NBPF15: variants seen among roughly 807,000 people sequenced by gnomAD.
NBPF15 encodes NBPF family member NBPF15.
In NBPF15, 74 loss-of-function variants were observed where a neutral mutation model predicts 62.2. The ratio of observed to expected loss-of-function variants is 1.19; its 90% CI spans 0.99 to 1.44. The LOEUF (loss-of-function observed/expected upper bound fraction) is 1.44. Ranked by LOEUF, NBPF15 falls within the 40% of genes most tolerant of loss-of-function variation. The pLI, the probability that NBPF15 is intolerant of heterozygous loss-of-function variation, is 0.00. For missense variants in NBPF15, 790 were observed against 550.0 expected, an observed-to-expected ratio of 1.44 and a Z score of -4.36; for synonymous variants, 244 against 209.7, an observed-to-expected ratio of 1.16 and a Z score of -1.41.
intron 6 of NBPF15, among the ~76,000 whole-genome samples, chr1:144,445,354 T>TATATATATAC (rs1322315552): frequency 9.6e-6 from 1 of 104,454 alleles, no homozygotes; most frequent in South Asian, 3.2e-4. Flanking sequence ...TATATATATA[T>TATATATATAC]ACACACACAC....
chr1:144,440,390 C>A (rs1681867584), intron 6 of NBPF15, 95 bp from the exon 7 acceptor site: 1 of 674,532 alleles, frequency 1.5e-6, no homozygotes, highest in Non-Finnish European at 2.4e-6. Context: ...AACACAGGCA[C>A]CCTAGTCTCA....
chr1:144,439,812 G>A lies in NBPF15; in HGVS notation c.175+17C>T, dbSNP rs782253009. ...CATCATTCATCACTTTCATGACGGTGAGCCTATAGATCTTACTGTATTTCT... is the reference window on the plus strand; with the variant it reads ...CATCATTCATCACTTTCATGACGGTAAGCCTATAGATCTTACTGTATTTCT... On this transcript the variant is annotated intron_variant, in intron 8 of 21. Transcript: ENST00000581897. The A allele has an allele frequency of 0.021, 33,316 of 1,576,344 alleles. 941 individuals are homozygous for A. Among genetic ancestry groups the A allele is most frequent in the Admixed American group, 0.11 (6,597 of 59,914 alleles).
chr1:144,423,856 T>C lies in NBPF15; in HGVS notation c.1769+14A>G. The C allele has an allele frequency of 1.3e-6, 1 of 764,484 alleles. No homozygotes were observed. Among genetic ancestry groups the C allele is most frequent in the Non-Finnish European group, 2.4e-6 (1 of 418,214 alleles). 47.4% of individuals were successfully genotyped at this position (764,484 alleles called of 1,614,324 possible). ...TTAACACAGAATTAAGCATCCACAA[T>C]TGCTGAAAGTTACCTGGGGCATGGT... On this transcript the variant is annotated intron_variant, in intron 21 of 21. Transcript: ENST00000581897.
intron 3 of NBPF15, among the ~76,000 whole-genome samples, chr1:144,457,621 C>G (rs1649039255): frequency 6.6e-6 from 1 of 151,816 alleles, no homozygotes; most frequent in African/African-American, 2.4e-5. Flanking sequence ...AGGTCAAGTA[C>G]TGAGAATACA....
At chr1:144,443,376 A>C (rs1162016700) in intron 6 of NBPF15, among the ~76,000 whole-genome samples, 2 of 151,914 alleles carry the variant, frequency 1.3e-5, no homozygotes, top group African/African-American at 2.4e-5. Flanking sequence ...ATCAGGTTTG[A>C]AATCTAGCAG....
At position 144,440,162 on chromosome 1, in the gene NBPF15, T is replaced by A. The variant is rs1373309141; in HGVS notation, c.-57A>T. 32 of 1,565,348 alleles carry A rather than the reference T, an allele frequency of 2.0e-5. No homozygotes were observed. Among genetic ancestry groups the A allele is most frequent in the Non-Finnish European group, 2.5e-5 (29 of 1,147,920 alleles). ...TTACTGTTGTCAAAAATGTGATCAC[T>A]CCCCACAGCACTTTAGGATCCTTCA... is the stretch of plus-strand genomic sequence containing the variant. On this transcript the variant is annotated 5_prime_UTR_variant, in exon 7 of 22. Coordinates refer to ENST00000581897, the MANE Select transcript of NBPF15 (RefSeq NM_001385408.1).
At chr1:144,447,676 C>T (rs782231341) in intron 6 of NBPF15, among the ~76,000 whole-genome samples, 69 of 152,068 alleles carry the variant, frequency 4.5e-4, no homozygotes, top group Admixed American at 1.2e-3. Flanking sequence ...ACACTAATAT[C>T]CCCAAGTCTG....
At chr1:144,432,116 A>G (rs1374038110) in intron 13 of NBPF15, among the ~76,000 whole-genome samples, 44 of 152,114 alleles carry the variant, frequency 2.9e-4, no homozygotes, top group Non-Finnish European at 5.9e-5. Context: ...CCAACAGTGT[A>G]AAAGTGTTCC....
chr1:144,428,178 GACACACACACAC>G lies in NBPF15; in HGVS notation c.1041-200_1041-189del, dbSNP rs782021320. Among the ~76,000 whole-genome samples the G allele has an allele frequency of 1.8e-3, 238 of 132,544 alleles. 5 individuals are homozygous for G. The East Asian group carries it at 0.041, about 23-fold the overall frequency. The allele number at this position is 132,544 out of a possible 152,430, so 87.0% of individuals were successfully genotyped here. A position where few individuals can be genotyped will look rare whatever the true frequency, so the allele number is the denominator to read the frequency against. ...CAGGTAGAAAAGGATGAAAGAGAAA[GACACACACACAC>G]ACACACACACACACACACACACAGA... On this transcript the variant is annotated intron_variant, in intron 15 of 21. Transcript: ENST00000581897.
chr1:144,451,859 TC>T (rs1691384106), intron 4 of NBPF15, among the ~76,000 whole-genome samples: 1 of 151,454 alleles, frequency 6.6e-6, no homozygotes, highest in African/African-American at 2.4e-5. Context: ...CTCTTTCTTT[TC>T]CCCACAGTTC....
Position 144,435,115 on chromosome 1 carries a change from A to C in NBPF15, c.768T>G (p.Ile256Met). 1 of 1,612,696 alleles carries C rather than the reference A, an allele frequency of 6.2e-7. No individual in the cohort carries two copies. The highest frequency in any genetic ancestry group is 8.5e-7 in the Non-Finnish European group (1 of 1,179,700). Residue 256 changes from isoleucine to methionine, a missense_variant, in exon 12 of 22, where the codon ATT becomes ATG. Coordinates refer to ENST00000581897, the MANE Select transcript of NBPF15 (RefSeq NM_001385408.1). ...HVEWEDAVHI[I>M]PENESDDEEE... ...CACAAGGAAAACAGAGGCTACCTGGAATAATGTGTACAGCATCCTCCCATT... is the reference window on the plus strand; with the variant it reads ...CACAAGGAAAACAGAGGCTACCTGGCATAATGTGTACAGCATCCTCCCATT...
In NBPF15 at chr1:144,423,994, T is replaced by A. The variant is rs1440062652; in HGVS notation, c.1664-19A>T. 11 of 764,130 alleles carry A rather than the reference T, an allele frequency of 1.4e-5. No homozygotes were observed. The highest frequency in any genetic ancestry group is 1.4e-4 in the African/African-American group (8 of 58,924). 47.3% of individuals were successfully genotyped at this position (764,130 alleles called of 1,614,324 possible). On this transcript the variant is annotated intron_variant, in intron 20 of 21. Coordinates refer to ENST00000581897, the MANE Select transcript of NBPF15 (RefSeq NM_001385408.1). ...TCAATTTCTGCAATAAATTCAGACA[T>A]GGACAGACACATTAAGCTGATTCCC...
chr1:144,439,998 C>A lies in NBPF15; in HGVS notation c.6G>T (p.Val2=), dbSNP rs782165458. The A allele has an allele frequency of 5.5e-4, 881 of 1,607,998 alleles. 6 individuals are homozygous for A. The African/African-American group carries it at 9.7e-3, about 18-fold the overall frequency. Residue 2 remains valine, a synonymous_variant, in exon 8 of 22, where the codon GTG becomes GTT. Coordinates refer to ENST00000581897, the MANE Select transcript of NBPF15 (RefSeq NM_001385408.1). M[V]VSAGPLSSEK... is the part of the protein sequence containing the mutation. Reference sequence around the variant, plus strand: ...CGCTGGACAAAGGGCCGGCTGATACCACCATGCTGACGTTTGTGGCAGAAG... The same window carrying A: ...CGCTGGACAAAGGGCCGGCTGATACAACCATGCTGACGTTTGTGGCAGAAG...
chr1:144,444,612 A>G (rs1378728249), intron 6 of NBPF15, among the ~76,000 whole-genome samples: 1 of 151,942 alleles, frequency 6.6e-6, no homozygotes, highest in African/African-American at 2.4e-5. Flanking sequence ...GTTATAGATT[A>G]AAAGAAGTTA....
chr1:144,442,305 C>T lies in NBPF15; in HGVS notation c.-190-2010G>A, dbSNP rs1240132698. Among the ~76,000 whole-genome samples, 10 of 115,394 alleles carry T rather than the reference C, an allele frequency of 8.7e-5. No homozygotes were observed. In the South Asian group the frequency reaches 2.3e-3, roughly 26 times the overall value. 75.7% of individuals were successfully genotyped at this position (115,394 alleles called of 152,430 possible). A position where few individuals can be genotyped will look rare whatever the true frequency, so the allele number is the denominator to read the frequency against. ...CGTGTATATATTATATATATATATA[C>T]ACGTGTATATATTATATATATATAC... On this transcript the variant is annotated intron_variant, in intron 6 of 21. Coordinates refer to ENST00000581897, the MANE Select transcript of NBPF15 (RefSeq NM_001385408.1).
At chr1:144,428,323 C>T (rs1334540012) in intron 15 of NBPF15, among the ~76,000 whole-genome samples, 1 of 151,796 alleles carries the variant, frequency 6.6e-6, no homozygotes, top group Non-Finnish European at 1.5e-5. Context: ...AAAGCATGTC[C>T]TCAATAATTT....
chr1:144,460,007 T>C (rs1393034343), intron 2 of NBPF15, among the ~76,000 whole-genome samples: 2 of 139,074 alleles, frequency 1.4e-5, no homozygotes, highest in African/African-American at 2.7e-5. Context: ...GTTCACTTGG[T>C]AAAAATTCAT....
chr1:144,438,801 A>G (rs1335864532), intron 8 of NBPF15, among the ~76,000 whole-genome samples: 2 of 151,814 alleles, frequency 1.3e-5, no homozygotes, highest in African/African-American at 4.8e-5. Context: ...AGACAAGACA[A>G]GCAACTTGGA....
At chr1:144,424,051 C>G (rs1667741090) in intron 20 of NBPF15, 76 bp from the exon 21 acceptor site, 2 of 758,676 alleles carry the variant, frequency 2.6e-6, no homozygotes, top group African/African-American at 1.7e-5. Flanking sequence ...GTCTAATCCT[C>G]ACACAGGGAC....
Sources: allele counts gnomAD v4.1 joint callset (sites outside exome capture counted in the v4.1 genomes callset), GRCh38; gene constraint gnomAD v4.1.1; transcripts MANE v1.5; gene names NCBI Gene and HGNC (gene_info 2026-07-23, HGNC 2026-07-21).